Variants in DYNC1I2 observed in about 807,000 individuals in gnomAD.
DYNC1I2 encodes cytoplasmic dynein 1 intermediate chain 2.
A neutral mutation model predicts 88.6 loss-of-function variants in DYNC1I2; 53 were observed. The observed-to-expected ratio is 0.60, with a 90% CI of 0.48 to 0.75. DYNC1I2 has a LOEUF of 0.75. DYNC1I2 is among the 30% of genes least tolerant of loss of function. DYNC1I2 has a pLI of 0.00. For synonymous variants in DYNC1I2, 198 were observed against 254.6 expected (o/e 0.78, Z 2.12); for missense variants, 458 against 766.6 (o/e 0.60, Z 4.75).
intron 3 of DYNC1I2, among the ~76,000 whole-genome samples, chr2:171,695,616 C>T (rs1199706945): frequency 6.6e-6 from 1 of 152,180 alleles, no homozygotes; most frequent in South Asian, 2.1e-4. Flanking sequence ...GTGCTATGCA[C>T]TCAGTTTCCT....
At chr2:171,695,247 G>A (rs1245236479) in intron 3 of DYNC1I2, among the ~76,000 whole-genome samples, 2 of 151,802 alleles carry the variant, frequency 1.3e-5, no homozygotes, top group Non-Finnish European at 2.9e-5. Flanking sequence ...TTACAGGCAC[G>A]TGCCACCACA....
intron 5 of DYNC1I2, among the ~76,000 whole-genome samples, chr2:171,711,361 T>C (rs1219235135): frequency 6.6e-6 from 1 of 152,184 alleles, no homozygotes; most frequent in Non-Finnish European, 1.5e-5. Context: ...TTGTACTCTA[T>C]GTGCCTGAAG....
intron 1 of DYNC1I2, among the ~76,000 whole-genome samples, chr2:171,688,914 T>C (rs983390832): frequency 6.6e-6 from 1 of 152,090 alleles, no homozygotes; most frequent in African/African-American, 2.4e-5. Context: ...TACAGAGACA[T>C]TGAAAGAGAT....
intron 3 of DYNC1I2, among the ~76,000 whole-genome samples, chr2:171,696,515 C>T (rs886247916): frequency 2.0e-5 from 3 of 152,044 alleles, no homozygotes; most frequent in Non-Finnish European, 4.4e-5. Context: ...AAATTGTTTC[C>T]TACATTGTGG....
At chr2:171,727,257 A>T (rs1207129284) in intron 11 of DYNC1I2, among the ~76,000 whole-genome samples, 1 of 152,170 alleles carries the variant, frequency 6.6e-6, no homozygotes, top group African/African-American at 2.4e-5. Context: ...TTGTGAATAT[A>T]CAATTAGATG....
intron 7 of DYNC1I2, among the ~76,000 whole-genome samples, chr2:171,724,452 A>G (rs1688105888): frequency 6.6e-6 from 1 of 152,164 alleles, no homozygotes; most frequent in South Asian, 2.1e-4. Context: ...GAAGAATGTT[A>G]TGCCATCCCA....
intron 5 of DYNC1I2, among the ~76,000 whole-genome samples, chr2:171,707,829 T>C (rs1686798790): frequency 6.6e-6 from 1 of 152,144 alleles, no homozygotes; most frequent in Non-Finnish European, 1.5e-5. Flanking sequence ...CTAATTAAGA[T>C]AGAGAATAAT....
Position 171,728,437 on chromosome 2 carries a change from A to G in DYNC1I2, c.1257+19A>G. The G allele has an allele frequency of 1.4e-6, 2 of 1,476,620 alleles. No homozygotes were observed. Among genetic ancestry groups the G allele is most frequent in the Non-Finnish European group, 1.9e-6 (2 of 1,077,950 alleles). The allele number at this position is 1,476,620 out of a possible 1,614,324, so 91.5% of individuals were successfully genotyped here. On this transcript the variant is annotated intron_variant, in intron 13 of 17. Transcript: ENST00000397119. ...TCCACAGGTGGGTTAAACTTGGGAA[A>G]CTGAAATTTTGAGGCAAATGTTATG...
At chr2:171,735,110 A>G (rs1468894512) in intron 15 of DYNC1I2, among the ~76,000 whole-genome samples, 1 of 152,168 alleles carries the variant, frequency 6.6e-6, no homozygotes, top group Non-Finnish European at 1.5e-5. Context: ...TTGTGTCCTT[A>G]AGATCTGGCT....
intron 3 of DYNC1I2, among the ~76,000 whole-genome samples, chr2:171,696,012 G>A (rs1472574357): frequency 6.6e-6 from 1 of 152,120 alleles, no homozygotes; most frequent in African/African-American, 2.4e-5. Flanking sequence ...TCTGTGAACT[G>A]CATATTCATG....
At chr2:171,694,150 GC>G (rs962876791) in intron 3 of DYNC1I2, among the ~76,000 whole-genome samples, 11 of 151,458 alleles carry the variant, frequency 7.3e-5, no homozygotes, top group Non-Finnish European at 1.2e-4. Context: ...CGATTCTTCT[GC>G]CTCAGCTTCC....
At chr2:171,709,861 G>A (rs1462515991) in intron 5 of DYNC1I2, among the ~76,000 whole-genome samples, 1 of 152,084 alleles carries the variant, frequency 6.6e-6, no homozygotes, top group African/African-American at 2.4e-5. Flanking sequence ...GGGATTACAA[G>A]CATGCACAAC....
chr2:171,740,010 A>T (rs1689308649), intron 15 of DYNC1I2, among the ~76,000 whole-genome samples: 1 of 152,078 alleles, frequency 6.6e-6, no homozygotes, highest in Non-Finnish European at 1.5e-5. Context: ...AAGCCCAGCC[A>T]CAATTGACAT....
chr2:171,723,349 A>T (rs1343880095), intron 7 of DYNC1I2, among the ~76,000 whole-genome samples: 1 of 152,246 alleles, frequency 6.6e-6, no homozygotes, highest in Non-Finnish European at 1.5e-5. Flanking sequence ...GAAACCTACT[A>T]GTAAACACTT....
At chr2:171,727,709 C>T (rs1241961245) in intron 11 of DYNC1I2, 112 bp from the exon 12 acceptor site, 3 of 931,866 alleles carry the variant, frequency 3.2e-6, no homozygotes, top group Non-Finnish European at 4.8e-6. Context: ...TTTTTATAAC[C>T]TCTAATACCA....
At chr2:171,741,311 G>A (rs1192847206) in intron 15 of DYNC1I2, among the ~76,000 whole-genome samples, 2 of 152,180 alleles carry the variant, frequency 1.3e-5, no homozygotes, top group Non-Finnish European at 2.9e-5. Context: ...GAGTGGGATT[G>A]TTGGGTCACA....
At chr2:171,734,593 G>A (rs778528071) in intron 15 of DYNC1I2, among the ~76,000 whole-genome samples, 1 of 152,074 alleles carries the variant, frequency 6.6e-6, no homozygotes, top group Non-Finnish European at 1.5e-5. Flanking sequence ...ACAAAGGATG[G>A]GCCACCATAG....
In DYNC1I2 at chr2:171,748,977, T is replaced by G. The variant is rs1689962057; in HGVS notation, c.*1088T>G. ...TGATCAGATCTTGATTTTATCTACT[T>G]TAAATTGTCTATTTATTTGATCCCA... On this transcript the variant is annotated 3_prime_UTR_variant, in exon 18 of 18. Coordinates refer to ENST00000397119, the MANE Select transcript of DYNC1I2 (RefSeq NM_001378.3). Among the ~76,000 whole-genome samples, 1 of 152,208 alleles carries G rather than the reference T, an allele frequency of 6.6e-6. No homozygotes were observed. Among genetic ancestry groups the G allele is most frequent in the South Asian group, 2.1e-4 (1 of 4,836 alleles).
intron 6 of DYNC1I2, 37 bp from the exon 7 acceptor site, chr2:171,715,291 T>C (rs1261326858): frequency 2.4e-6 from 3 of 1,251,516 alleles, no homozygotes; most frequent in Non-Finnish European, 2.3e-6. Flanking sequence ...TGGTTTGATG[T>C]AGTTAAAATT....
Sources: gnomAD v4.1 joint callset for allele counts (sites outside exome capture counted in the v4.1 genomes callset) on GRCh38, gnomAD v4.1.1 for gene constraint, MANE v1.5 for transcripts, NCBI Gene and HGNC (gene_info 2026-07-23, HGNC 2026-07-21) for gene names.